The following OVCA2 variants were observed in gnomAD, a reference collection of about 807,000 sequenced individuals.
The protein encoded by OVCA2 is OVCA2 serine hydrolase domain containing.
In OVCA2, 14 loss-of-function variants were observed where a neutral mutation model predicts 10.1. The observed-to-expected ratio is 1.39, with a 90% confidence interval of 0.92 to 2.17. The LOEUF (loss-of-function observed/expected upper bound fraction) is 2.17, where lower values mean the gene tolerates loss of function less well. Ranked by LOEUF, OVCA2 falls within the 30% of genes most tolerant of loss-of-function variation. The pLI is 0.00. For synonymous variants in OVCA2, 201 were observed against 134.1 expected (o/e 1.50, Z -3.45); for missense variants, 376 against 300.5 (o/e 1.25, Z -1.86).
rs759416135 is a variant in OVCA2, at chr17:2,042,866, C to G, written c.446C>G (p.Ser149Cys). Residue 149 changes from serine to cysteine, a missense_variant, in exon 2 of 2, where the codon TCT becomes TGT. By Grantham distance (112) the Ser-to-Cys change is moderately radical. Transcript: ENST00000572195. Reference protein sequence around the residue: ...FPLPRFILLVSGFCPRGIGFK... With the variant: ...FPLPRFILLVCGFCPRGIGFK... The stretch of plus-strand genomic sequence containing the variant: ...TTGCCACGGTTTATCCTCTTGGTGT[C>G]TGGTTTCTGTCCCCGGGGCATTGGG... 1.2e-6 allele frequency: 2 copies of G among 1,614,194 alleles called. No homozygotes were observed. The highest frequency in any genetic ancestry group is 2.2e-5 in the East Asian group (1 of 44,884).
At position 2,042,841 on chromosome 17, in the gene OVCA2, T is replaced by G; in HGVS notation, c.421T>G (p.Leu141Val). The G allele has an allele frequency of 1.2e-6, 2 of 1,614,110 alleles. No homozygotes were observed. Among genetic ancestry groups the G allele is most frequent in the Non-Finnish European group, 8.5e-7 (1 of 1,180,024 alleles). ...CCAGGCAGGCGATCCCCGCTTCCCC[T>G]TGCCACGGTTTATCCTCTTGGTGTC... ...LGQAGDPRFP[L>V]PRFILLVSGF... The change falls in exon 2 of 2, where the codon TTG becomes GTG. Residue 141 changes from leucine (L) to valine (V), a missense_variant. Coordinates refer to ENST00000572195, the MANE Select transcript of OVCA2 (RefSeq NM_080822.3).
intron 1 of OVCA2, 54 bp from the exon 2 acceptor site, chr17:2,042,551 C>T (rs891680097): frequency 4.7e-6 from 7 of 1,479,822 alleles, no homozygotes; most frequent in African/African-American, 2.8e-5. Flanking sequence ...CATTTCTTTC[C>T]TTCCTGGAGC....
rs777925571 is a variant in OVCA2, at chr17:2,042,206, C to A, written c.159C>A (p.Gly53=). The A allele has an allele frequency of 4.2e-6, 6 of 1,433,004 alleles. No homozygotes were observed. Among genetic ancestry groups the A allele is most frequent in the Non-Finnish European group, 5.5e-6 (6 of 1,100,848 alleles). 88.8% of individuals were successfully genotyped at this position (1,433,004 alleles called of 1,614,324 possible). A position where few individuals can be genotyped will look rare whatever the true frequency, so the allele number is the denominator to read the frequency against. ...SGPHPVPDPP[G]PEGARSDFGS... ...CGCACCCGGTCCCCGACCCCCCGGG[C>A]CCCGAGGGCGCCAGATCAGACTTCG... The change falls in exon 1 of 2, where the codon GGC becomes GGA. Residue 53 remains glycine (G), a synonymous_variant. Coordinates refer to ENST00000572195, the MANE Select transcript of OVCA2 (RefSeq NM_080822.3).
rs1211946382 is a variant in OVCA2 at position 2,042,617 on chromosome 17, C to T, written c.197C>T (p.Pro66Leu). 14 of 1,519,530 alleles carry T rather than the reference C, an allele frequency of 9.2e-6. No homozygotes were observed. Among genetic ancestry groups the T allele is most frequent in the East Asian group, 9.1e-5 (4 of 44,142 alleles). 94.1% of individuals were successfully genotyped at this position (1,519,530 alleles called of 1,614,324 possible). A position where few individuals can be genotyped will look rare whatever the true frequency, so the allele number is the denominator to read the frequency against. Residue 66 changes from proline (P) to leucine (L), a missense_variant, in exon 2 of 2, where the codon CCG (proline) becomes CTG (leucine). By Grantham distance (98) the Pro-to-Leu change is moderately conservative. Transcript: ENST00000572195. The part of the protein sequence containing the change: ...GARSDFGSCP[P>L]EEQPRGWWFS... ...CATATCGCTGTAGGGTCCTGCCCTC[C>T]GGAGGAGCAGCCTCGAGGCTGGTGG...
In OVCA2 at chr17:2,043,139, T is replaced by C. The variant is rs199808320; in HGVS notation, c.*35T>C. The C allele has an allele frequency of 5.6e-6, 9 of 1,597,026 alleles. No homozygotes were observed. Among genetic ancestry groups the C allele is most frequent in the Non-Finnish European group, 6.0e-6 (7 of 1,172,136 alleles). On this transcript the variant is annotated 3_prime_UTR_variant, in exon 2 of 2. Coordinates refer to ENST00000572195, the MANE Select transcript of OVCA2 (RefSeq NM_080822.3). ...AAATGTCTCTGCTCCTACATCCAGC[T>C]CCTCTAGGGGCAGCCTCCGTCATCC...
rs1438648358 is a variant in OVCA2 at position 2,043,203 on chromosome 17, G to A, written c.*99G>A. On this transcript the variant is annotated 3_prime_UTR_variant, in exon 2 of 2. Transcript: ENST00000572195. ...ACCCTCCACTCACTGCTGTGAGTGC[G>A]CCTCACCAGAACCAGTTAAGAGACA... 6 of 1,371,070 alleles carry A rather than the reference G, an allele frequency of 4.4e-6. No individual in the cohort carries two copies. The highest frequency in any genetic ancestry group is 4.1e-5 in the Admixed American group (2 of 48,724). 84.9% of individuals were successfully genotyped at this position (1,371,070 alleles called of 1,614,324 possible).
rs2067581631 is a variant in OVCA2 at position 2,043,361 on chromosome 17, G to C, written c.*257G>C. 4.5e-6 allele frequency: 2 copies of C among 448,044 alleles called. No homozygotes were observed. The highest frequency in any genetic ancestry group is 7.9e-6 in the Non-Finnish European group (2 of 253,744). 27.8% of individuals were successfully genotyped at this position (448,044 alleles called of 1,614,324 possible). ...TGGTTGGAGAGCCCTGGATTAGGAG[G>C]GTGACATGGGGAAGGCAGAGGCTGG... On this transcript the variant is annotated 3_prime_UTR_variant, in exon 2 of 2. Coordinates refer to ENST00000572195, the MANE Select transcript of OVCA2 (RefSeq NM_080822.3).
At position 2,042,197 on chromosome 17, in the gene OVCA2, C is replaced by G. The variant is rs199650013; in HGVS notation, c.150C>G (p.Asp50Glu). Residue 50 changes from aspartate (D) to glutamate (E), a missense_variant, in exon 1 of 2, where the codon GAC becomes GAG. By Grantham distance (45) the Asp-to-Glu change is conservative. Transcript: ENST00000572195. ...VCLSGPHPVP[D>E]PPGPEGARSD... ...TCAGCGGCCCGCACCCGGTCCCCGA[C>G]CCCCCGGGCCCCGAGGGCGCCAGAT... 1.2e-3 allele frequency: 1,742 copies of G among 1,430,552 alleles called. 6 individuals are homozygous for G. Among genetic ancestry groups the G allele is most frequent in the Admixed American group, 1.7e-3 (60 of 34,454 alleles). The allele number at this position is 1,430,552 out of a possible 1,614,324, so 88.6% of individuals were successfully genotyped here. A position where few individuals can be genotyped will look rare whatever the true frequency, so the allele number is the denominator to read the frequency against.
At position 2,042,164 on chromosome 17, in the gene OVCA2, C is replaced by T. The variant is rs762122261; in HGVS notation, c.117C>T (p.Leu39=). Residue 39 remains leucine (L), a synonymous_variant, in exon 1 of 2, where the codon CTC becomes CTT. Transcript: ENST00000572195. The part of the protein sequence containing the change: ...LRKALRGRAE[L]VCLSGPHPVP... Reference sequence around the variant, plus strand: ...AGGCGCTGCGGGGTCGCGCCGAGCTCGTGTGCCTCAGCGGCCCGCACCCGG... The same window carrying T: ...AGGCGCTGCGGGGTCGCGCCGAGCTTGTGTGCCTCAGCGGCCCGCACCCGG... 1.8e-5 allele frequency: 27 copies of T among 1,481,798 alleles called. No individual in the cohort carries two copies. In the East Asian group the frequency reaches 5.8e-4, roughly 32 times the overall value. 91.8% of individuals were successfully genotyped at this position (1,481,798 alleles called of 1,614,324 possible).
intron 1 of OVCA2, 110 bp downstream of exon 1, chr17:2,042,341 C>T (rs2067553579): frequency 2.2e-6 from 3 of 1,356,380 alleles, no homozygotes; most frequent in Non-Finnish European, 2.9e-6. Flanking sequence ...TCCTCCCACC[C>T]AGTCCACACC....
Position 2,042,134 on chromosome 17 carries a change from G to A in OVCA2, c.87G>A (p.Leu29=). 1 of 1,551,736 alleles carries A rather than the reference G, an allele frequency of 6.4e-7. No individual in the cohort carries two copies. The highest frequency in any genetic ancestry group is 8.6e-7 in the Non-Finnish European group (1 of 1,158,448). Residue 29 remains leucine, a synonymous_variant, in exon 1 of 2, where the codon CTG becomes CTA. Coordinates refer to ENST00000572195, the MANE Select transcript of OVCA2 (RefSeq NM_080822.3). ...GCTTCCGTGAGAAGACCGGGGCGCT[G>A]AGGAAGGCGCTGCGGGGTCGCGCCG... ...ERGFREKTGA[L]RKALRGRAEL... is the part of the protein sequence containing the mutation.
Position 2,042,849 on chromosome 17 carries a change from G to C in OVCA2, c.429G>C (p.Arg143=), listed in dbSNP as rs1263406378. 1 of 1,614,140 alleles carries C rather than the reference G, an allele frequency of 6.2e-7. No individual in the cohort carries two copies. The highest frequency in any genetic ancestry group is 1.1e-5 in the South Asian group (1 of 91,088). Residue 143 remains arginine (R), a synonymous_variant, in exon 2 of 2, where the codon CGG becomes CGC. Transcript: ENST00000572195. ...GCGATCCCCGCTTCCCCTTGCCACGGTTTATCCTCTTGGTGTCTGGTTTCT... is the reference window on the plus strand; with the variant it reads ...GCGATCCCCGCTTCCCCTTGCCACGCTTTATCCTCTTGGTGTCTGGTTTCT... ...QAGDPRFPLP[R]FILLVSGFCP...
intron 1 of OVCA2, 80 bp from the exon 2 acceptor site, chr17:2,042,525 C>A: frequency 6.9e-7 from 1 of 1,457,852 alleles, no homozygotes; most frequent in Non-Finnish European, 9.0e-7. Context: ...TCATCTCGAA[C>A]CCTCCTGCCC....
At position 2,042,829 on chromosome 17, in the gene OVCA2, C is replaced by A; in HGVS notation, c.409C>A (p.Pro137Thr). 4 of 1,614,122 alleles carry A rather than the reference C, an allele frequency of 2.5e-6. 1 individual carries two copies. The South Asian group carries it at 3.3e-5, about 13-fold the overall frequency. Residue 137 changes from proline (P) to threonine (T), a missense_variant, in exon 2 of 2, where the codon CCC (proline) becomes ACC (threonine). Coordinates refer to ENST00000572195, the MANE Select transcript of OVCA2 (RefSeq NM_080822.3). ...LVCALGQAGD[P>T]RFPLPRFILL... is the part of the protein sequence containing the mutation. ...GTGTGCCCTGGGCCAGGCAGGCGATCCCCGCTTCCCCTTGCCACGGTTTAT... is the reference window on the plus strand; with the variant it reads ...GTGTGCCCTGGGCCAGGCAGGCGATACCCGCTTCCCCTTGCCACGGTTTAT...
chr17:2,043,009 G>A lies in OVCA2; in HGVS notation c.589G>A (p.Ala197Thr). 1.9e-6 allele frequency: 3 copies of A among 1,614,098 alleles called. No individual in the cohort carries two copies. Among genetic ancestry groups the A allele is most frequent in the Non-Finnish European group, 2.5e-6 (3 of 1,180,026 alleles). Residue 197 changes from alanine to threonine, a missense_variant, in exon 2 of 2, where the codon GCC becomes ACC. Physicochemically the swap from Ala to Thr is moderately conservative, Grantham distance 58 (BLOSUM62 0). Coordinates refer to ENST00000572195, the MANE Select transcript of OVCA2 (RefSeq NM_080822.3). ...GCAACTGGCCAGCCAATTTCCCGGA[G>A]CCATCACCCTCACCCACTCTGGTGG... ...SVQLASQFPG[A>T]ITLTHSGGHF...
intron 1 of OVCA2, 122 bp from the exon 2 acceptor site, chr17:2,042,481 CCA>C (rs2067558597): frequency 1.4e-6 from 2 of 1,397,082 alleles, no homozygotes; most frequent in Non-Finnish European, 1.9e-6. Context: ...CTCATTTCCC[CCA>C]GACTTTTGCC....
At chr17:2,042,375 C>G (rs371934224) in intron 1 of OVCA2, 144 bp downstream of exon 1, 6 of 1,307,528 alleles carry the variant, frequency 4.6e-6, no homozygotes, top group Admixed American at 7.2e-5. Flanking sequence ...GACCCATACC[C>G]TCTTTGCTCA....
rs1389029221 is a variant in OVCA2 at position 2,042,750 on chromosome 17, G to A, written c.330G>A (p.Gly110=). The A allele has an allele frequency of 1.9e-6, 3 of 1,603,830 alleles. No individual in the cohort carries two copies. The highest frequency in any genetic ancestry group is 2.6e-6 in the Non-Finnish European group (3 of 1,175,480). Residue 110 remains glycine (G), a synonymous_variant, in exon 2 of 2, where the codon GGG becomes GGA. Transcript: ENST00000572195. ...GMVAQALNRL[G]PFDGLLGFSQ... ...TGGCACAGGCACTGAACAGGCTGGG[G>A]CCTTTTGACGGCCTTCTTGGTTTCA...
At position 2,042,200 on chromosome 17, in the gene OVCA2, C is replaced by A; in HGVS notation, c.153C>A (p.Pro51=). 1 of 1,433,638 alleles carries A rather than the reference C, an allele frequency of 7.0e-7. No individual in the cohort carries two copies. The highest frequency in any genetic ancestry group is 2.7e-5 in the East Asian group (1 of 36,722). The allele number at this position is 1,433,638 out of a possible 1,614,324, so 88.8% of individuals were successfully genotyped here. Reference sequence around the variant, plus strand: ...GCGGCCCGCACCCGGTCCCCGACCCCCCGGGCCCCGAGGGCGCCAGATCAG... The same window carrying A: ...GCGGCCCGCACCCGGTCCCCGACCCACCGGGCCCCGAGGGCGCCAGATCAG... ...CLSGPHPVPD[P]PGPEGARSDF... is the part of the protein sequence containing the mutation. Residue 51 remains proline (P), a synonymous_variant, in exon 1 of 2, where the codon CCC becomes CCA. Transcript: ENST00000572195.
Sources: allele counts gnomAD v4.1 joint callset, GRCh38; gene constraint gnomAD v4.1.1; transcripts MANE v1.5; gene names NCBI Gene and HGNC (gene_info 2026-07-23, HGNC 2026-07-21).